The following ZNF385D variants were observed in gnomAD, a reference collection of about 807,000 sequenced individuals.
ZNF385D encodes zinc finger protein 385D.
A neutral mutation model predicts 35.8 loss-of-function variants in ZNF385D; 15 were observed. The ratio of observed to expected loss-of-function variants is 0.42; its 90% confidence interval spans 0.28 to 0.64. The LOEUF is 0.64. Ranked by LOEUF, ZNF385D falls within the 30% of genes least tolerant of loss-of-function variation. The pLI, the probability that ZNF385D is intolerant of heterozygous loss-of-function variation, is 0.23. For missense variants in ZNF385D, 474 were observed against 494.6 expected, an observed-to-expected ratio of 0.96 and a Z score of 0.39; for synonymous variants, 212 against 186.8, an observed-to-expected ratio of 1.13 and a Z score of -1.10.
intron 4 of ZNF385D, among the ~76,000 whole-genome samples, chr3:21,464,259 T>C (rs1398773010): frequency 6.6e-6 from 1 of 152,164 alleles, no homozygotes; most frequent in Non-Finnish European, 1.5e-5. Flanking sequence ...ATAATACACA[T>C]AGAATTTTGT....
intron 4 of ZNF385D, among the ~76,000 whole-genome samples, chr3:21,481,442 G>A (rs566702874): frequency 6.6e-6 from 1 of 152,272 alleles, no homozygotes; most frequent in South Asian, 2.1e-4. Flanking sequence ...CCCCAGGCCA[G>A]TTTATTCTAT....
intron 2 of ZNF385D, among the ~76,000 whole-genome samples, chr3:22,227,761 A>G (rs1291984934): frequency 6.6e-6 from 1 of 152,134 alleles, no homozygotes; most frequent in Non-Finnish European, 1.5e-5. Flanking sequence ...AATGACCTAT[A>G]AGTTACAACC....
chr3:21,667,477 T>TAATGA (rs1411457526), intron 1 of ZNF385D, among the ~76,000 whole-genome samples: 6 of 152,180 alleles, frequency 3.9e-5, no homozygotes, highest in Non-Finnish European at 7.4e-5. Context: ...TTACTTTCAT[T>TAATGA]TGTGTCACAC....
intron 2 of ZNF385D, among the ~76,000 whole-genome samples, chr3:22,304,272 C>T (rs1327050206): frequency 6.6e-6 from 1 of 152,130 alleles, no homozygotes; most frequent in Non-Finnish European, 1.5e-5. Context: ...ATATTGAGAA[C>T]ATTACACTTT....
chr3:21,636,502 GA>G (rs2065455161), intron 2 of ZNF385D, among the ~76,000 whole-genome samples: 1 of 148,974 alleles, frequency 6.7e-6, no homozygotes, highest in Non-Finnish European at 1.5e-5. Context: ...AAGCCAGTCC[GA>G]ATCCCAAAGC....
At chr3:21,876,189 C>G (rs981223377) in intron 3 of ZNF385D, among the ~76,000 whole-genome samples, 8 of 151,544 alleles carry the variant, frequency 5.3e-5, no homozygotes, top group African/African-American at 1.9e-4. Flanking sequence ...AACAAAAAAC[C>G]TGAGGGATAG....
intron 3 of ZNF385D, among the ~76,000 whole-genome samples, chr3:21,801,336 T>A (rs540062470): frequency 6.6e-6 from 1 of 152,158 alleles, no homozygotes; most frequent in Non-Finnish European, 1.5e-5. Context: ...ACTGGACCCA[T>A]AGAATGAGTT....
chr3:22,130,970 T>C (rs143231840), intron 3 of ZNF385D, among the ~76,000 whole-genome samples: 2,801 of 152,142 alleles, frequency 0.018, 33 homozygotes, highest in Non-Finnish European at 0.026. Flanking sequence ...TTTCTGGAGC[T>C]TGGAAGACAG....
intron 3 of ZNF385D, among the ~76,000 whole-genome samples, chr3:22,060,889 C>T (rs920369027): frequency 2.6e-5 from 4 of 151,828 alleles, no homozygotes; most frequent in African/African-American, 9.7e-5. Flanking sequence ...ACAATTTTGG[C>T]TCTTAAGTAG....
chr3:22,141,479 A>G (rs1704500261), intron 3 of ZNF385D, among the ~76,000 whole-genome samples: 1 of 152,192 alleles, frequency 6.6e-6, no homozygotes, highest in African/African-American at 2.4e-5. Context: ...AAGGAATCCT[A>G]GCTAAACTTT....
chr3:22,043,334 G>T (rs1289364307), intron 3 of ZNF385D, among the ~76,000 whole-genome samples: 3 of 152,086 alleles, frequency 2.0e-5, no homozygotes, highest in Non-Finnish European at 4.4e-5. Flanking sequence ...TACAGTTTAG[G>T]TCTGTGGCCC....
At chr3:21,953,787 A>T (rs965360171) in intron 3 of ZNF385D, among the ~76,000 whole-genome samples, 1 of 152,080 alleles carries the variant, frequency 6.6e-6, no homozygotes, top group East Asian at 1.9e-4. Context: ...TTGCACAAAG[A>T]TACCACTGTA....
intron 3 of ZNF385D, among the ~76,000 whole-genome samples, chr3:21,807,034 T>C (rs1361778056): frequency 2.0e-5 from 3 of 152,278 alleles, no homozygotes; most frequent in African/African-American, 2.4e-5. Context: ...TATTTCACAC[T>C]ATTATGGGAA....
At chr3:22,165,451 G>C (rs1413320391) in intron 3 of ZNF385D, among the ~76,000 whole-genome samples, 2 of 152,134 alleles carry the variant, frequency 1.3e-5, no homozygotes, top group Admixed American at 1.3e-4. Context: ...GTGTGGCCTG[G>C]CAGGGGGCTG....
At chr3:21,839,557 G>C (rs1041899006) in intron 3 of ZNF385D, among the ~76,000 whole-genome samples, 1 of 152,066 alleles carries the variant, frequency 6.6e-6, no homozygotes, top group African/African-American at 2.4e-5. Context: ...GGCAAGAGAG[G>C]CTAGCTTTTT....
At chr3:22,062,244 C>T (rs1699727425) in intron 3 of ZNF385D, among the ~76,000 whole-genome samples, 1 of 151,946 alleles carries the variant, frequency 6.6e-6, no homozygotes, top group South Asian at 2.1e-4. Context: ...TTTGTAGAGA[C>T]AGGATTTTGC....
intron 1 of ZNF385D, among the ~76,000 whole-genome samples, chr3:21,694,300 GC>G (rs1295275133): frequency 6.6e-6 from 1 of 151,980 alleles, no homozygotes; most frequent in Non-Finnish European, 1.5e-5. Context: ...CTCCCAAAGT[GC>G]TGGGATTACA....
chr3:22,297,081 G>A (rs1431597287), intron 2 of ZNF385D, among the ~76,000 whole-genome samples: 1 of 152,010 alleles, frequency 6.6e-6, no homozygotes, highest in Non-Finnish European at 1.5e-5. Context: ...TATTGAATTA[G>A]TAAACTATTA....
At chr3:21,722,888 G>A (rs921486581) in intron 1 of ZNF385D, among the ~76,000 whole-genome samples, 4 of 152,160 alleles carry the variant, frequency 2.6e-5, no homozygotes, top group Admixed American at 2.0e-4. Context: ...ATACCTGTGT[G>A]AGCTTGTACT....
Sources: allele counts gnomAD v4.1 joint callset (sites outside exome capture counted in the v4.1 genomes callset), GRCh38; gene constraint gnomAD v4.1.1; transcripts MANE v1.5; gene names NCBI Gene and HGNC (gene_info 2026-07-23, HGNC 2026-07-21).